The following DERA variants were observed in gnomAD, a reference collection of about 807,000 sequenced individuals.
DERA encodes deoxyribose-phosphate aldolase, also known as 2-deoxy-D-ribose 5-phosphate aldolase.
DERA carries 15 observed loss-of-function variants against 41.1 expected under a neutral mutation model. The observed-to-expected ratio is 0.37, with a 90% CI of 0.24 to 0.56. The LOEUF is 0.56. Ranked by LOEUF, DERA falls within the 20% of genes least tolerant of loss-of-function variation. The probability of loss-of-function intolerance (pLI) is 0.81; values close to 1 mark genes in which losing one functional copy is unlikely to be tolerated. For synonymous variants in DERA, 139 were observed against 137.4 expected, an observed-to-expected ratio of 1.01 and a Z score of -0.08; for missense variants, 396 against 403.4, an observed-to-expected ratio of 0.98 and a Z score of 0.16.
rs1368730363 is a variant in DERA at position 15,982,303 on chromosome 12, C to T, written c.509-5C>T. The T allele has an allele frequency of 2.5e-6, 4 of 1,609,902 alleles. No homozygotes were observed. The highest frequency in any genetic ancestry group is 3.4e-6 in the Non-Finnish European group (4 of 1,178,860). On this transcript the variant is annotated splice_region_variant and splice_polypyrimidine_tract_variant and intron_variant, in intron 5 of 8. Coordinates refer to ENST00000428559, the MANE Select transcript of DERA (RefSeq NM_015954.4). This position sits in a 1 kb window ranked among gnomAD's most constrained non-coding sequence, Gnocchi z 4.0. ...TGTAACTGCCTCAATTATTTTCTTC[C>T]CCAGCCCTGTATGATGAGATTCGTC...
At position 15,981,078 on chromosome 12, in the gene DERA, G is replaced by T. The variant is rs547502562; in HGVS notation, c.509-1230G>T. Among the ~76,000 whole-genome samples, 3 of 152,106 alleles carry T rather than the reference G, an allele frequency of 2.0e-5. No homozygotes were observed. Among genetic ancestry groups the T allele is most frequent in the Admixed American group, 2.0e-4 (3 of 15,276 alleles). ...AACTACTTCCTATGGGCCGGGCACC[G>T]TGGCTCACACCTGTAATCCCAGCAC... On this transcript the variant is annotated intron_variant, in intron 5 of 8. Transcript: ENST00000428559. This position sits in a 1 kb window ranked among gnomAD's most constrained non-coding sequence, Gnocchi z 6.1.
At chr12:15,916,908 G>A (rs746862343) in intron 1 of DERA, among the ~76,000 whole-genome samples, 1 of 152,138 alleles carries the variant, frequency 6.6e-6, no homozygotes, top group Non-Finnish European at 1.5e-5. Context: ...CAATGTGCCA[G>A]GCTCTTGTTC....
rs1004875072 is a variant in DERA, at chr12:16,014,925, G to T, written c.638-17617G>T. Among the ~76,000 whole-genome samples, 1 of 152,194 alleles carries T rather than the reference G, an allele frequency of 6.6e-6. No homozygotes were observed. The highest frequency in any genetic ancestry group is 6.5e-5 in the Admixed American group (1 of 15,284). On this transcript the variant is annotated intron_variant, in intron 6 of 8. Coordinates refer to ENST00000428559, the MANE Select transcript of DERA (RefSeq NM_015954.4). This position sits in a 1 kb window ranked among gnomAD's most constrained non-coding sequence, Gnocchi z 5.4. ...TGGAGTCAAAGGAGATCTTTTTGTAGCTTTAAGATTTGACTGCCCTCCTGG... is the reference window on the plus strand; with the variant it reads ...TGGAGTCAAAGGAGATCTTTTTGTATCTTTAAGATTTGACTGCCCTCCTGG...
intron 6 of DERA, among the ~76,000 whole-genome samples, chr12:15,986,889 T>A (rs923266493): frequency 5.9e-5 from 9 of 152,214 alleles, no homozygotes; most frequent in Non-Finnish European, 1.2e-4. Flanking sequence ...CTTTCTGGTT[T>A]TATTCGTCTG....
intron 6 of DERA, among the ~76,000 whole-genome samples, chr12:16,030,823 G>C (rs73059234): frequency 0.047 from 7,149 of 152,292 alleles, 184 homozygotes; most frequent in Non-Finnish European, 0.059. Flanking sequence ...CTTTAGAGCA[G>C]AGTCTGGCAC....
At chr12:16,032,470 T>C (rs767482945) in intron 6 of DERA, 72 bp from the exon 7 acceptor site, 6 of 865,604 alleles carry the variant, frequency 6.9e-6, no homozygotes, top group South Asian at 2.0e-5. Flanking sequence ...CACAACTCAT[T>C]TCTCCCACTG....
rs1032480722 is a variant in DERA at position 16,036,877 on chromosome 12, C to T, written c.*131C>T. 2.9e-5 allele frequency: 20 copies of T among 686,468 alleles called. No individual in the cohort carries two copies. The highest frequency in any genetic ancestry group is 4.7e-5 in the Non-Finnish European group (19 of 401,474). 42.5% of individuals were successfully genotyped at this position (686,468 alleles called of 1,614,324 possible). On this transcript the variant is annotated 3_prime_UTR_variant, in exon 9 of 9. Coordinates refer to ENST00000428559, the MANE Select transcript of DERA (RefSeq NM_015954.4). The surrounding 1 kb of genome is among the most constrained non-coding windows in gnomAD (Gnocchi z 4.9). ...GCATTCCTCTCTTTAAAATTTCTAC[C>T]GAACTTAATGGAATGGAAAAAGCAA...
chr12:15,956,915 G>C, intron 1 of DERA, 21 bp from the exon 2 acceptor site: 1 of 1,565,722 alleles, frequency 6.4e-7, no homozygotes. Context: ...GTTTCAGAAA[G>C]TGTTTTTCTG....
rs1483304354 is a variant in DERA, at chr12:15,911,754, G to A, written c.31+340G>A. 1 of 581,474 alleles carries A rather than the reference G, an allele frequency of 1.7e-6. No homozygotes were observed. Among genetic ancestry groups the A allele is most frequent in the African/African-American group, 1.8e-5 (1 of 54,450 alleles). The allele number at this position is 581,474 out of a possible 1,614,324, so 36.0% of individuals were successfully genotyped here. ...CCCAAAACAAACAACCCCCAAGCAG[G>A]TAAAAACAGATAAAAACCTTCTTTC... is the stretch of plus-strand genomic sequence containing the variant. On this transcript the variant is annotated intron_variant, in intron 1 of 8. Coordinates refer to ENST00000428559, the MANE Select transcript of DERA (RefSeq NM_015954.4). The surrounding 1 kb of genome is among the most constrained non-coding windows in gnomAD (Gnocchi z 4.5).
intron 1 of DERA, among the ~76,000 whole-genome samples, chr12:15,916,703 G>A (rs949772948): frequency 1.1e-4 from 16 of 151,964 alleles, no homozygotes; most frequent in Non-Finnish European, 2.1e-4. Context: ...CACCTGCCTC[G>A]GCCTCCCAAA....
intron 6 of DERA, among the ~76,000 whole-genome samples, chr12:15,987,102 A>G (rs936536839): frequency 1.3e-5 from 2 of 151,866 alleles, no homozygotes; most frequent in African/African-American, 4.8e-5. Context: ...TTGTTTTCCC[A>G]GTAATTTGAC....
At chr12:15,923,936 G>A (rs1433111882) in intron 1 of DERA, among the ~76,000 whole-genome samples, 1 of 151,782 alleles carries the variant, frequency 6.6e-6, no homozygotes, top group Non-Finnish European at 1.5e-5. Context: ...CTGATTATTT[G>A]GTTTCTTCAG....
rs971338673 is a variant in DERA, at chr12:15,924,008, T to C, written c.31+12594T>C. On this transcript the variant is annotated intron_variant, in intron 1 of 8. Transcript: ENST00000428559. This position sits in a 1 kb window ranked among gnomAD's most constrained non-coding sequence, Gnocchi z 5.0. ...AACAAATTACTGTATTCTCAGTCTTTAGTTGAAGAAAATAATTGAGTTAGT... is the reference window on the plus strand; with the variant it reads ...AACAAATTACTGTATTCTCAGTCTTCAGTTGAAGAAAATAATTGAGTTAGT... 3.3e-5 allele frequency among the ~76,000 whole-genome samples: 5 copies of C among 152,262 alleles called. No homozygotes were observed. The highest frequency in any genetic ancestry group is 1.2e-4 in the African/African-American group (5 of 41,476).
In DERA at chr12:15,989,269, C is replaced by T. The variant is rs550300057; in HGVS notation, c.637+6833C>T. 1.7e-4 allele frequency among the ~76,000 whole-genome samples: 26 copies of T among 152,382 alleles called. No homozygotes were observed. The highest frequency in any genetic ancestry group is 2.2e-4 in the Non-Finnish European group (15 of 68,034). ...TCCCCCGCTGCAACTGGCATCCCCA[C>T]GGTGGCTGCTCCAGACAGGCCACTG... On this transcript the variant is annotated intron_variant, in intron 6 of 8. Transcript: ENST00000428559. The surrounding 1 kb of genome is among the most constrained non-coding windows in gnomAD (Gnocchi z 5.2).
Position 15,936,918 on chromosome 12 carries a change from G to A in DERA, c.32-20018G>A, listed in dbSNP as rs1161559950. ...GTCCTGTCCTGTCCTGTCCTGTCCT[G>A]TCCTGTCCTGTCCTGTCTTGTCCTG... On this transcript the variant is annotated intron_variant, in intron 1 of 8. Transcript: ENST00000428559. This position sits in a 1 kb window ranked among gnomAD's most constrained non-coding sequence, Gnocchi z 4.6. Among the ~76,000 whole-genome samples, 11 of 138,060 alleles carry A rather than the reference G, an allele frequency of 8.0e-5. No homozygotes were observed. The highest frequency in any genetic ancestry group is 2.1e-4 in the African/African-American group (7 of 33,622). 90.6% of individuals were successfully genotyped at this position (138,060 alleles called of 152,430 possible).
At position 16,008,950 on chromosome 12, in the gene DERA, G is replaced by A. The variant is rs1948930780; in HGVS notation, c.638-23592G>A. 1.3e-5 allele frequency among the ~76,000 whole-genome samples: 2 copies of A among 152,202 alleles called. No individual in the cohort carries two copies. Among genetic ancestry groups the A allele is most frequent in the Admixed American group, 6.5e-5 (1 of 15,288 alleles). Reference sequence around the variant, plus strand: ...GCTGGTCTGATGTAGAGGCAGAAGTGCATAGCAGTTAAAAGCCTGGACTTT... The same window carrying A: ...GCTGGTCTGATGTAGAGGCAGAAGTACATAGCAGTTAAAAGCCTGGACTTT... On this transcript the variant is annotated intron_variant, in intron 6 of 8. Coordinates refer to ENST00000428559, the MANE Select transcript of DERA (RefSeq NM_015954.4). The surrounding 1 kb of genome is among the most constrained non-coding windows in gnomAD (Gnocchi z 4.8).
chr12:15,973,959 T>A (rs370721721), intron 5 of DERA, among the ~76,000 whole-genome samples: 4 of 152,180 alleles, frequency 2.6e-5, no homozygotes, highest in South Asian at 4.1e-4. Flanking sequence ...TACAGAAAAG[T>A]TGTAAAATTG....
Position 15,996,157 on chromosome 12 carries a change from ATGTGTGTGTGTG to A in DERA, c.637+13745_637+13756del, listed in dbSNP as rs34468299. ...GCAGACACAGACACACACACAGAGC[ATGTGTGTGTGTG>A]TGTGTGTGTGTGTGTGTGTGTGTAA... On this transcript the variant is annotated intron_variant, in intron 6 of 8. Coordinates refer to ENST00000428559, the MANE Select transcript of DERA (RefSeq NM_015954.4). This position sits in a 1 kb window ranked among gnomAD's most constrained non-coding sequence, Gnocchi z 4.7. 4.0e-3 allele frequency among the ~76,000 whole-genome samples: 584 copies of A among 145,138 alleles called. 8 individuals are homozygous for A. The highest frequency in any genetic ancestry group is 0.013 in the African/African-American group (518 of 39,592).
Position 16,008,520 on chromosome 12 carries a change from C to A in DERA, c.638-24022C>A, listed in dbSNP as rs1077733. On this transcript the variant is annotated intron_variant, in intron 6 of 8. Transcript: ENST00000428559. This position sits in a 1 kb window ranked among gnomAD's most constrained non-coding sequence, Gnocchi z 4.8. The stretch of plus-strand genomic sequence containing the variant: ...TGGTTGCAGAGTCTGAGTGATCCCC[C>A]CAGTAAACTAATGTAGGATATATTT... Among the ~76,000 whole-genome samples, 1 of 152,044 alleles carries A rather than the reference C, an allele frequency of 6.6e-6. No individual in the cohort carries two copies. Among genetic ancestry groups the A allele is most frequent in the African/African-American group, 2.4e-5 (1 of 41,368 alleles).
Sources: allele counts gnomAD v4.1 joint callset (sites outside exome capture counted in the v4.1 genomes callset), GRCh38; gene constraint gnomAD v4.1.1; non-coding constraint Gnocchi (gnomAD v3.1); transcripts MANE v1.5; gene names NCBI Gene and HGNC (gene_info 2026-07-23, HGNC 2026-07-21).